The following SMARCC1 variants were observed in gnomAD, a reference collection of about 807,000 sequenced individuals.
SMARCC1 encodes the protein SWI/SNF related BAF chromatin remodeling complex subunit C1, also known as SWI/SNF complex subunit SMARCC1.
In SMARCC1, 43 loss-of-function variants were observed where a neutral mutation model predicts 147.4. That is an observed-to-expected ratio of 0.29 (90% CI 0.23 to 0.38). SMARCC1 has a LOEUF of 0.38. Among genes scored for constraint, SMARCC1 ranks in the 10% least tolerant of loss-of-function variants. The probability of loss-of-function intolerance (pLI) is 1.00; values close to 1 mark genes in which losing one functional copy is unlikely to be tolerated. For synonymous variants in SMARCC1, 495 were observed against 484.4 expected (o/e 1.02, Z -0.29); for missense variants, 1,119 against 1,381.1 (o/e 0.81, Z 3.01).
chr3:47,604,080 G>A (rs536396776), intron 26 of SMARCC1: 7 of 456,532 alleles, frequency 1.5e-5, no homozygotes, highest in Admixed American at 7.1e-5. Context: ...CAGAGGTATC[G>A]GTACAAACTA....
At chr3:47,600,534 T>C (rs2032365802) in intron 26 of SMARCC1, among the ~76,000 whole-genome samples, 1 of 152,210 alleles carries the variant, frequency 6.6e-6, no homozygotes, top group South Asian at 2.1e-4. Flanking sequence ...AGAGAAGCTA[T>C]GTAATTTGGC....
intron 1 of SMARCC1, among the ~76,000 whole-genome samples, chr3:47,773,240 G>A (rs1479567507): frequency 6.6e-6 from 1 of 151,224 alleles, no homozygotes; most frequent in Non-Finnish European, 1.5e-5. Context: ...TCATTCTCCT[G>A]CCTCAGTCTC....
chr3:47,662,696 T>C (rs1367044762), intron 19 of SMARCC1, 104 bp from the exon 20 acceptor site: 5 of 872,008 alleles, frequency 5.7e-6, no homozygotes, highest in Non-Finnish European at 9.0e-6. Context: ...AATGCAAATA[T>C]TTATGCATAA....
chr3:47,647,257 T>C (rs2033130478), intron 21 of SMARCC1, among the ~76,000 whole-genome samples: 1 of 152,230 alleles, frequency 6.6e-6, no homozygotes. Flanking sequence ...AAGCGATGCA[T>C]TCTGTTGAAA....
chr3:47,744,039 C>T (rs1266627345), intron 3 of SMARCC1, among the ~76,000 whole-genome samples: 1 of 152,072 alleles, frequency 6.6e-6, no homozygotes, highest in African/African-American at 2.4e-5. Flanking sequence ...AGAGACATGC[C>T]GTTGCTCCTA....
intron 3 of SMARCC1, among the ~76,000 whole-genome samples, chr3:47,742,406 T>G (rs1360582777): frequency 1.3e-5 from 2 of 152,202 alleles, no homozygotes; most frequent in Non-Finnish European, 1.5e-5. Context: ...ATCTCTCCTT[T>G]GGGAGATCCG....
At chr3:47,689,927 G>C (rs1191689550) in intron 12 of SMARCC1, among the ~76,000 whole-genome samples, 1 of 152,170 alleles carries the variant, frequency 6.6e-6, no homozygotes, top group African/African-American at 2.4e-5. Context: ...ACAATGAAAA[G>C]TAAAACTGCC....
At chr3:47,601,119 T>C (rs1007353505) in intron 26 of SMARCC1, among the ~76,000 whole-genome samples, 1 of 150,248 alleles carries the variant, frequency 6.7e-6, no homozygotes, top group Non-Finnish European at 1.5e-5. Flanking sequence ...GCTTTTTTTC[T>C]TTTCTTTTTT....
intron 26 of SMARCC1, among the ~76,000 whole-genome samples, chr3:47,607,873 C>A (rs1422524277): frequency 6.6e-6 from 1 of 152,046 alleles, no homozygotes; most frequent in Non-Finnish European, 1.5e-5. Context: ...TGAGACCCAA[C>A]CTCTTTTAAG....
rs761490054 is a variant in SMARCC1 at position 47,720,686 on chromosome 3, A to G, written c.696T>C (p.His232=). 21 of 1,611,968 alleles carry G rather than the reference A, an allele frequency of 1.3e-5. No homozygotes were observed. The highest frequency in any genetic ancestry group is 8.3e-5 in the Admixed American group (5 of 59,948). The part of the protein sequence containing the change: ...VMRKEKQVLV[H]WGFYPDSYDT... Reference sequence around the variant, plus strand: ...ATTACCTGTCTGGGTAAAAGCCCCAATGCACTAACACTTGCTTCTCTTTTC... The same window carrying G: ...ATTACCTGTCTGGGTAAAAGCCCCAGTGCACTAACACTTGCTTCTCTTTTC... Residue 232 remains histidine, a synonymous_variant, in exon 7 of 28, where the codon CAT becomes CAC. Transcript: ENST00000254480.
intron 3 of SMARCC1, among the ~76,000 whole-genome samples, chr3:47,740,233 TC>T (rs2034494449): frequency 7.9e-6 from 1 of 127,382 alleles, no homozygotes; most frequent in Non-Finnish European, 1.6e-5. Flanking sequence ...TCTCGCCCTG[TC>T]GTCCAGACTG....
At chr3:47,751,822 G>A (rs961118901) in intron 2 of SMARCC1, among the ~76,000 whole-genome samples, 6 of 152,022 alleles carry the variant, frequency 3.9e-5, no homozygotes, top group African/African-American at 9.7e-5. Flanking sequence ...AGTAGCTCAC[G>A]CCTGTAATCC....
chr3:47,635,303 A>G lies in SMARCC1; in HGVS notation c.2533T>C (p.Cys845Arg), dbSNP rs751400015. The stretch of plus-strand genomic sequence containing the variant: ...CCAGTATCACTTTCTCTTTCTTTAC[A>G]TGTATCAGTGAGTTCTTTGTTCTCT... Reference protein sequence around the residue: ...TEENKELTDTCKERESDTGKK... With the variant: ...TEENKELTDTRKERESDTGKK... The change falls in exon 24 of 28, where the codon TGT becomes CGT. Residue 845 changes from cysteine to arginine, a missense_variant. Physicochemically the swap from Cys to Arg is radical, Grantham distance 180. This residue lies in a region of SMARCC1 where 157 missense variants were observed against 158.6 expected (regional missense o/e 0.99). Coordinates refer to ENST00000254480, the MANE Select transcript of SMARCC1 (RefSeq NM_003074.4). The G allele has an allele frequency of 2.8e-5, 45 of 1,612,652 alleles. No individual in the cohort carries two copies. Among genetic ancestry groups the G allele is most frequent in the East Asian group, 6.7e-5 (3 of 44,886 alleles).
chr3:47,671,196 A>AAACAAAAAAAAAAAAAC (rs1553682000), intron 18 of SMARCC1, among the ~76,000 whole-genome samples: 1 of 81,144 alleles, frequency 1.2e-5, no homozygotes. Flanking sequence ...AAAAAAAAAA[A>AAACAAAAAAAAAAAAAC]AACACACACA....
intron 25 of SMARCC1, among the ~76,000 whole-genome samples, chr3:47,621,871 A>G (rs1305060526): frequency 1.3e-5 from 2 of 152,100 alleles, no homozygotes; most frequent in East Asian, 3.8e-4. Context: ...AGAGTTATAC[A>G]GTTTCTACTT....
Position 47,781,392 on chromosome 3 carries a change from G to T in SMARCC1, c.195+211C>A, listed in dbSNP as rs562447366. ...GAGCAGGGGCTTTCACCATGGGTGCGTAGGCTCAGAGGAGAGAGCCCCGAA... is the reference window on the plus strand; with the variant it reads ...GAGCAGGGGCTTTCACCATGGGTGCTTAGGCTCAGAGGAGAGAGCCCCGAA... On this transcript the variant is annotated intron_variant, in intron 1 of 27. Coordinates refer to ENST00000254480, the MANE Select transcript of SMARCC1 (RefSeq NM_003074.4). Among the ~76,000 whole-genome samples the T allele has an allele frequency of 1.7e-3, 260 of 152,332 alleles. 1 individual carries two copies. The highest frequency in any genetic ancestry group is 1.4e-3 in the Non-Finnish European group (92 of 68,026).
intron 24 of SMARCC1, among the ~76,000 whole-genome samples, chr3:47,625,177 T>G (rs2032790072): frequency 6.6e-6 from 1 of 151,418 alleles, no homozygotes; most frequent in African/African-American, 2.4e-5. Context: ...AGACAGAGTC[T>G]GGGCCGGCGC....
rs78615793 is a variant in SMARCC1, at chr3:47,586,908, G to A, written c.*1301C>T. 7 of 151,468 alleles carry A rather than the reference G, an allele frequency of 4.6e-5. No homozygotes were observed. The highest frequency in any genetic ancestry group is 7.2e-5 in the African/African-American group (3 of 41,386). 9.4% of individuals were successfully genotyped at this position (151,468 alleles called of 1,614,324 possible). A position where few individuals can be genotyped will look rare whatever the true frequency, so the allele number is the denominator to read the frequency against. On this transcript the variant is annotated 3_prime_UTR_variant, in exon 28 of 28. Transcript: ENST00000254480. ...TCAAATTAAGGCATTTTTGTGGCTT[G>A]TCCTCTGGAATGGCATTCTACCCTC...
intron 2 of SMARCC1, among the ~76,000 whole-genome samples, chr3:47,767,304 A>G (rs1194337636): frequency 6.8e-6 from 1 of 146,640 alleles, no homozygotes; most frequent in Non-Finnish European, 1.5e-5. Context: ...CAATGGGCAC[A>G]ATCTCGGCTC....
Sources: gnomAD v4.1 joint callset for allele counts (sites outside exome capture counted in the v4.1 genomes callset) on GRCh38, gnomAD v4.1.1 for gene constraint, gnomAD v4.1.1 regional missense constraint, MANE v1.5 for transcripts, NCBI Gene and HGNC (gene_info 2026-07-23, HGNC 2026-07-21) for gene names.